ADAMTS17: variants seen among roughly 807,000 people sequenced by gnomAD.
ADAMTS17 encodes ADAM metallopeptidase with thrombospondin type 1 motif 17.
In ADAMTS17, 113 loss-of-function variants were observed where a neutral mutation model predicts 141.5. The ratio of observed to expected loss-of-function variants is 0.80; its 90% confidence interval spans 0.69 to 0.93. The LOEUF is 0.93. Among genes scored for constraint, ADAMTS17 ranks in the 40% least tolerant of loss-of-function variants. The probability of loss-of-function intolerance (pLI) is 0.00; values close to 1 mark genes in which losing one functional copy is unlikely to be tolerated. For missense variants in ADAMTS17, 1,659 were observed against 1,517.9 expected, an observed-to-expected ratio of 1.09 and a Z score of -1.54; for synonymous variants, 768 against 630.6, an observed-to-expected ratio of 1.22 and a Z score of -3.27.
chr15:100,100,541 A>T (rs987612766), intron 14 of ADAMTS17, among the ~76,000 whole-genome samples: 1 of 152,162 alleles, frequency 6.6e-6, no homozygotes, highest in Non-Finnish European at 1.5e-5. Context: ...GAACTGACAG[A>T]CAGGCATCCT....
intron 4 of ADAMTS17, among the ~76,000 whole-genome samples, chr15:100,273,345 A>C (rs950917223): frequency 6.6e-6 from 1 of 152,120 alleles, no homozygotes; most frequent in Non-Finnish European, 1.5e-5. Flanking sequence ...ATTCTTTATT[A>C]GGAGGTTTTT....
chr15:100,148,780 A>C, intron 10 of ADAMTS17, among the ~76,000 whole-genome samples: 1 of 151,872 alleles, frequency 6.6e-6, no homozygotes, highest in East Asian at 1.9e-4. Flanking sequence ...CCAGATTGTC[A>C]TCTTAAAGAG....
intron 4 of ADAMTS17, among the ~76,000 whole-genome samples, chr15:100,277,365 A>G (rs1304049716): frequency 1.3e-5 from 2 of 152,052 alleles, no homozygotes; most frequent in East Asian, 3.9e-4. Flanking sequence ...GTCTGTCTCC[A>G]TGTACCAACC....
intron 13 of ADAMTS17, among the ~76,000 whole-genome samples, chr15:100,113,463 CAAT>C: frequency 6.6e-6 from 1 of 152,238 alleles, no homozygotes; most frequent in South Asian, 2.1e-4. Context: ...AGCCCACTAG[CAAT>C]ACAAATATTT....
At chr15:100,178,314 C>T (rs2040408800) in intron 8 of ADAMTS17, among the ~76,000 whole-genome samples, 2 of 152,196 alleles carry the variant, frequency 1.3e-5, no homozygotes, top group African/African-American at 2.4e-5. Flanking sequence ...AAATATCACT[C>T]TGTATAGTTC....
At chr15:100,185,328 A>G (rs201411848) in intron 8 of ADAMTS17, among the ~76,000 whole-genome samples, 1 of 152,176 alleles carries the variant, frequency 6.6e-6, no homozygotes, top group East Asian at 1.9e-4. Context: ...GAGATCTACC[A>G]CTGCTCAACA....
intron 15 of ADAMTS17, among the ~76,000 whole-genome samples, chr15:100,076,913 T>C (rs1398818834): frequency 2.6e-5 from 4 of 152,198 alleles, no homozygotes; most frequent in Non-Finnish European, 4.4e-5. Context: ...TATGTTATTA[T>C]GTATAGCTCT....
chr15:100,196,291 C>T (rs919788617), intron 8 of ADAMTS17, among the ~76,000 whole-genome samples: 11 of 152,212 alleles, frequency 7.2e-5, no homozygotes, highest in East Asian at 3.8e-4. Flanking sequence ...AGTATAATTC[C>T]AGGATGTAGA....
At chr15:100,054,268 C>T (rs933403407) in intron 15 of ADAMTS17, among the ~76,000 whole-genome samples, 1 of 152,124 alleles carries the variant, frequency 6.6e-6, no homozygotes, top group Non-Finnish European at 1.5e-5. Context: ...CCCTAGGATC[C>T]CCAGGGAGAG....
chr15:100,112,725 A>G (rs2036864447), intron 13 of ADAMTS17, among the ~76,000 whole-genome samples: 1 of 152,176 alleles, frequency 6.6e-6, no homozygotes, highest in Admixed American at 6.5e-5. Flanking sequence ...GTGTGTGCTG[A>G]GATGGAATTC....
chr15:100,340,873 C>G, intron 2 of ADAMTS17, 166 bp downstream of exon 2: 3 of 1,118,258 alleles, frequency 2.7e-6, no homozygotes, highest in Admixed American at 2.2e-5. Context: ...TAGAGGGTAC[C>G]GAAGGCCGGG....
chr15:100,235,897 G>C (rs993791878), intron 7 of ADAMTS17, among the ~76,000 whole-genome samples: 1 of 152,148 alleles, frequency 6.6e-6, no homozygotes, highest in African/African-American at 2.4e-5. Flanking sequence ...ACTCAAGGTA[G>C]CAGAGCTGGG....
intron 13 of ADAMTS17, among the ~76,000 whole-genome samples, chr15:100,110,021 C>T (rs544631123): frequency 1.3e-5 from 2 of 151,888 alleles, no homozygotes; most frequent in Non-Finnish European, 2.9e-5. Context: ...CAGGTCCCAT[C>T]GCTAAAAGAG....
At chr15:100,046,178 G>A (rs923281270) in intron 18 of ADAMTS17, among the ~76,000 whole-genome samples, 11 of 152,192 alleles carry the variant, frequency 7.2e-5, no homozygotes, top group Admixed American at 7.2e-4. Flanking sequence ...CCCTCACCTA[G>A]GCTGCTTTCT....
intron 18 of ADAMTS17, among the ~76,000 whole-genome samples, chr15:100,047,626 T>C (rs553132327): frequency 1.4e-4 from 22 of 152,238 alleles, no homozygotes; most frequent in East Asian, 7.7e-4. Context: ...CCCTAAGACC[T>C]TTTTGCTCAA....
intron 15 of ADAMTS17, among the ~76,000 whole-genome samples, chr15:100,071,268 A>G (rs531043347): frequency 1.3e-5 from 2 of 150,186 alleles, no homozygotes; most frequent in Admixed American, 6.7e-5. Flanking sequence ...TCAACCAAAA[A>G]AAGTCCAGGA....
chr15:100,127,754 G>A (rs1324342750), intron 12 of ADAMTS17, among the ~76,000 whole-genome samples: 5 of 145,234 alleles, frequency 3.4e-5, no homozygotes, highest in Admixed American at 6.8e-5. Context: ...GCTAATTTTC[G>A]TACTTTTAGT....
intron 15 of ADAMTS17, among the ~76,000 whole-genome samples, chr15:100,060,745 G>C (rs1211165456): frequency 6.6e-6 from 1 of 152,214 alleles, no homozygotes; most frequent in East Asian, 1.9e-4. Context: ...AAACTGCCCA[G>C]GCATTTCCTG....
At chr15:100,029,971 A>G (rs895695173) in intron 18 of ADAMTS17, among the ~76,000 whole-genome samples, 11 of 152,106 alleles carry the variant, frequency 7.2e-5, no homozygotes, top group African/African-American at 2.4e-4. Flanking sequence ...TCTGTCAGTT[A>G]CCCAGTCTCC....
Sources: gnomAD v4.1 joint callset for allele counts (sites outside exome capture counted in the v4.1 genomes callset) on GRCh38, gnomAD v4.1.1 for gene constraint, MANE v1.5 for transcripts, NCBI Gene and HGNC (gene_info 2026-07-23, HGNC 2026-07-21) for gene names.